The following CCDC178 variants were observed in gnomAD, a reference collection of about 807,000 sequenced individuals.
CCDC178 encodes the protein coiled-coil domain containing 178, also known as coiled-coil domain-containing protein 178.
CCDC178 carries 126 observed loss-of-function variants against 117.4 expected under a neutral mutation model. The ratio of observed to expected loss-of-function variants is 1.07; its 90% CI spans 0.93 to 1.24. The LOEUF is 1.24. Ranked by LOEUF, CCDC178 falls within the 50% of genes most tolerant of loss-of-function variation. The probability of loss-of-function intolerance (pLI) is 0.00; values close to 1 mark genes in which losing one functional copy is unlikely to be tolerated. For synonymous variants in CCDC178, 283 were observed against 313.4 expected (o/e 0.90, Z 1.02); for missense variants, 1,030 against 986.9 (o/e 1.04, Z -0.59).
chr18:33,081,946 A>T (rs1353111100), intron 21 of CCDC178, among the ~76,000 whole-genome samples: 1 of 152,198 alleles, frequency 6.6e-6, no homozygotes, highest in Non-Finnish European at 1.5e-5. Context: ...TCAACTGACA[A>T]AAGGAAAGTA....
chr18:33,228,095 A>C (rs1193486630), intron 15 of CCDC178, among the ~76,000 whole-genome samples: 1 of 152,020 alleles, frequency 6.6e-6, no homozygotes. Context: ...ATGTATGGGC[A>C]TGTGTGCTTT....
intron 11 of CCDC178, among the ~76,000 whole-genome samples, chr18:33,300,035 G>A (rs1354137045): frequency 6.6e-6 from 1 of 152,166 alleles, no homozygotes; most frequent in Non-Finnish European, 1.5e-5. Flanking sequence ...GAGCTGTTTC[G>A]GTCATGGGGA....
rs1289392243 is a variant in CCDC178, at chr18:33,149,590, TAGAG to T, written c.2239-56684_2239-56681del. On this transcript the variant is annotated intron_variant, in intron 20 of 22. Coordinates refer to ENST00000383096, the MANE Select transcript of CCDC178 (RefSeq NM_001105528.4). ...CCAGGCAAAGTTGTCACAGTGAAAA[TAGAG>T]AGCCACACTGAAAGTAGAGGAATAA... Among the ~76,000 whole-genome samples, 7 of 152,094 alleles carry T rather than the reference TAGAG, an allele frequency of 4.6e-5. No individual in the cohort carries two copies. In the East Asian group the frequency reaches 1.2e-3, roughly 25 times the overall value.
At chr18:33,025,878 G>T (rs983758607) in intron 21 of CCDC178, among the ~76,000 whole-genome samples, 2 of 152,028 alleles carry the variant, frequency 1.3e-5, no homozygotes, top group Admixed American at 6.5e-5. Context: ...TCAGGCATTC[G>T]TCCCAGAGAA....
chr18:33,389,629 C>T lies in CCDC178; in HGVS notation c.119G>A (p.Gly40Asp), dbSNP rs150589600. Residue 40 changes from glycine (G) to aspartate (D), a missense_variant and splice_region_variant, in exon 5 of 23, where the codon GGC becomes GAC. Gly to Asp is a moderately conservative substitution (Grantham distance 94, BLOSUM62 -1). Transcript: ENST00000383096. ...REKAWSRTNE[G>D]NAMSQSLVLY... ...AACCAAACTTTGAGACATGGCATTG[C>T]CTTTTAAAAAGAAAAAATACATATT... The T allele has an allele frequency of 1.5e-4, 221 of 1,462,240 alleles. No homozygotes were observed. The highest frequency in any genetic ancestry group is 1.9e-4 in the Non-Finnish European group (211 of 1,100,334). The allele number at this position is 1,462,240 out of a possible 1,614,324, so 90.6% of individuals were successfully genotyped here. A position where few individuals can be genotyped will look rare whatever the true frequency, so the allele number is the denominator to read the frequency against.
chr18:33,373,001 T>G (rs1052646628), intron 5 of CCDC178, among the ~76,000 whole-genome samples: 1 of 152,192 alleles, frequency 6.6e-6, no homozygotes, highest in African/African-American at 2.4e-5. Flanking sequence ...ATCTTGATTT[T>G]CTTTCCAAAA....
At chr18:33,256,355 A>G (rs1334519399) in intron 14 of CCDC178, among the ~76,000 whole-genome samples, 5 of 152,074 alleles carry the variant, frequency 3.3e-5, no homozygotes, top group African/African-American at 1.2e-4. Context: ...TATGTCTTGA[A>G]CAGGGCAGAA....
At chr18:33,061,276 T>C (rs1306176117) in intron 21 of CCDC178, among the ~76,000 whole-genome samples, 1 of 152,060 alleles carries the variant, frequency 6.6e-6, no homozygotes, top group African/African-American at 2.4e-5. Context: ...TGCAAATGTA[T>C]CAGTTTAATA....
At chr18:32,994,925 G>T (rs1246860747) in intron 21 of CCDC178, among the ~76,000 whole-genome samples, 2 of 152,172 alleles carry the variant, frequency 1.3e-5, no homozygotes, top group African/African-American at 4.8e-5. Context: ...CTAAATCATG[G>T]TTTCATACCA....
chr18:33,425,574 A>G (rs2064110346), intron 2 of CCDC178, among the ~76,000 whole-genome samples: 1 of 152,194 alleles, frequency 6.6e-6, no homozygotes, highest in East Asian at 1.9e-4. Flanking sequence ...CTTACACTTG[A>G]TTCCAATTAT....
chr18:33,044,028 T>TACAC (rs143760952), intron 21 of CCDC178, among the ~76,000 whole-genome samples: 20,363 of 150,758 alleles, frequency 0.14, 2,043 homozygotes, highest in African/African-American at 0.29. Flanking sequence ...ACAATATATA[T>TACAC]ACACACACAC....
intron 21 of CCDC178, among the ~76,000 whole-genome samples, chr18:33,066,372 T>C (rs1345167797): frequency 6.6e-6 from 1 of 152,040 alleles, no homozygotes; most frequent in African/African-American, 2.4e-5. Flanking sequence ...GACTCAAATG[T>C]AATCACTACA....
At chr18:33,104,591 C>T (rs2057678807) in intron 20 of CCDC178, among the ~76,000 whole-genome samples, 1 of 151,692 alleles carries the variant, frequency 6.6e-6, no homozygotes, top group Admixed American at 6.6e-5. Flanking sequence ...CCTCTTTCTT[C>T]CCACATTAAG....
At chr18:33,099,762 G>A (rs1314249522) in intron 20 of CCDC178, among the ~76,000 whole-genome samples, 1 of 151,974 alleles carries the variant, frequency 6.6e-6, no homozygotes, top group East Asian at 1.9e-4. Context: ...CTGTAAGAAT[G>A]ATATGTGTCG....
intron 8 of CCDC178, among the ~76,000 whole-genome samples, chr18:33,347,206 A>C (rs182200767): frequency 1.3e-5 from 2 of 152,308 alleles, no homozygotes; most frequent in East Asian, 3.9e-4. Flanking sequence ...ACATAAATAC[A>C]AAGTGTTAAG....
At chr18:33,186,108 T>C (rs1406843784) in intron 20 of CCDC178, among the ~76,000 whole-genome samples, 1 of 152,092 alleles carries the variant, frequency 6.6e-6, no homozygotes. Context: ...GTTAGATACA[T>C]ATGATGTAGT....
chr18:33,249,896 A>G lies in CCDC178; in HGVS notation c.1410-4468T>C, dbSNP rs377685651. Among the ~76,000 whole-genome samples the G allele has an allele frequency of 1.2e-4, 19 of 152,152 alleles. No homozygotes were observed. In the East Asian group the frequency reaches 3.7e-3, roughly 29 times the overall value. ...TTCATGACATTGATTCTTCCTATCCATGAGCATGGAATGTTCTTCCATTTG... is the reference window on the plus strand; with the variant it reads ...TTCATGACATTGATTCTTCCTATCCGTGAGCATGGAATGTTCTTCCATTTG... On this transcript the variant is annotated intron_variant, in intron 14 of 22. Transcript: ENST00000383096.
intron 12 of CCDC178, among the ~76,000 whole-genome samples, chr18:33,292,525 A>G (rs911258550): frequency 2.0e-5 from 3 of 152,054 alleles, no homozygotes; most frequent in African/African-American, 7.2e-5. Context: ...GAGTGACTCT[A>G]GTTAATAATA....
intron 21 of CCDC178, among the ~76,000 whole-genome samples, chr18:33,010,063 C>T (rs1598783852): frequency 6.6e-6 from 1 of 152,092 alleles, no homozygotes; most frequent in South Asian, 2.1e-4. Context: ...GTTTTGTATG[C>T]TCTTGATAGT....
Sources: allele counts gnomAD v4.1 joint callset (sites outside exome capture counted in the v4.1 genomes callset), GRCh38; gene constraint gnomAD v4.1.1; transcripts MANE v1.5; gene names NCBI Gene and HGNC (gene_info 2026-07-23, HGNC 2026-07-21).